Variants in WNT1 observed in about 807,000 individuals in gnomAD.
WNT1 encodes the protein Wnt family member 1.
A neutral mutation model predicts 21.3 loss-of-function variants in WNT1; 10 were observed. The observed-to-expected ratio is 0.47, with a 90% CI of 0.29 to 0.80. WNT1 has a LOEUF of 0.80. Ranked by LOEUF, WNT1 falls within the 30% of genes least tolerant of loss-of-function variation. The pLI is 0.09. For missense variants in WNT1, 476 were observed against 534.1 expected (o/e 0.89, Z 1.07); for synonymous variants, 208 against 236.3 (o/e 0.88, Z 1.10).
Position 48,981,795 on chromosome 12 carries a change from C to T in WNT1, c.*155C>T, listed in dbSNP as rs1941018921. On this transcript the variant is annotated 3_prime_UTR_variant, in exon 4 of 4. Coordinates refer to ENST00000293549, the MANE Select transcript of WNT1 (RefSeq NM_005430.4). This position sits in a 1 kb window ranked among gnomAD's most constrained non-coding sequence, Gnocchi z 7.4. ...TCCCATCTCTCCCACTTCCTCCTAC[C>T]TGGGGACTCCTCAAACCACTTGCCT... is the stretch of plus-strand genomic sequence containing the variant. The T allele has an allele frequency of 9.0e-7, 1 of 1,111,234 alleles. No homozygotes were observed. Among genetic ancestry groups the T allele is most frequent in the African/African-American group, 1.7e-5 (1 of 59,886 alleles). The allele number at this position is 1,111,234 out of a possible 1,614,324, so 68.8% of individuals were successfully genotyped here.
At position 48,979,099 on chromosome 12, in the gene WNT1, A is replaced by G. The variant is rs1276365393; in HGVS notation, c.104+345A>G. Among the ~76,000 whole-genome samples the G allele has an allele frequency of 6.6e-6, 1 of 152,220 alleles. No homozygotes were observed. Among genetic ancestry groups the G allele is most frequent in the Non-Finnish European group, 1.5e-5 (1 of 68,034 alleles). On this transcript the variant is annotated intron_variant, in intron 1 of 3. Transcript: ENST00000293549. The surrounding 1 kb of genome is among the most constrained non-coding windows in gnomAD (Gnocchi z 6.0). The stretch of plus-strand genomic sequence containing the variant: ...TGAAGGGCCAGGAGTTCGCCTAGAA[A>G]GGAGGGGAGAAGAGGGTGGGACTCC...
Position 48,980,826 on chromosome 12 carries a change from C to A in WNT1, c.624+137C>A. The A allele has an allele frequency of 1.4e-6, 2 of 1,394,296 alleles. No individual in the cohort carries two copies. The highest frequency in any genetic ancestry group is 1.9e-6 in the Non-Finnish European group (2 of 1,058,634). 86.4% of individuals were successfully genotyped at this position (1,394,296 alleles called of 1,614,324 possible). On this transcript the variant is annotated intron_variant, in intron 3 of 3. Coordinates refer to ENST00000293549, the MANE Select transcript of WNT1 (RefSeq NM_005430.4). This position sits in a 1 kb window ranked among gnomAD's most constrained non-coding sequence, Gnocchi z 7.0. ...GAGAGCCGGAGGCTTGGAACGAAGA[C>A]GGAGAATAGAGGAGACAGTGGCTGA... is the stretch of plus-strand genomic sequence containing the variant.
chr12:48,979,073 G>A lies in WNT1; in HGVS notation c.104+319G>A, dbSNP rs561214971. Among the ~76,000 whole-genome samples, 24 of 152,396 alleles carry A rather than the reference G, an allele frequency of 1.6e-4. No homozygotes were observed. Among genetic ancestry groups the A allele is most frequent in the African/African-American group, 5.8e-4 (24 of 41,596 alleles). ...ACCACAGGTTTCCCCACCTCGGGAA[G>A]TGAAGGGCCAGGAGTTCGCCTAGAA... On this transcript the variant is annotated intron_variant, in intron 1 of 3. Transcript: ENST00000293549. This position sits in a 1 kb window ranked among gnomAD's most constrained non-coding sequence, Gnocchi z 6.0.
Position 48,981,426 on chromosome 12 carries a change from C to A in WNT1, c.899C>A (p.Thr300Lys), listed in dbSNP as rs531388810. The A allele has an allele frequency of 7.0e-6, 11 of 1,575,178 alleles. No homozygotes were observed. The East Asian group carries it at 2.6e-4, about 37-fold the overall frequency. The change falls in exon 4 of 4, where the codon ACG (threonine) becomes AAG (lysine). Residue 300 changes from threonine (T) to lysine (K), a missense_variant. Physicochemically the swap from Thr to Lys is moderately conservative, Grantham distance 78. Coordinates refer to ENST00000293549, the MANE Select transcript of WNT1 (RefSeq NM_005430.4). This position sits in a 1 kb window ranked among gnomAD's most constrained non-coding sequence, Gnocchi z 7.4. ...TTCGAGAAATCGCCCAACTTCTGCA[C>A]GTACAGCGGACGCCTGGGCACAGCA... is the stretch of plus-strand genomic sequence containing the variant. ...VYFEKSPNFC[T>K]YSGRLGTAGT...
In WNT1 at chr12:48,980,697, T is replaced by A. The variant is rs1204086080; in HGVS notation, c.624+8T>A. On this transcript the variant is annotated splice_region_variant and intron_variant, in intron 3 of 3. Transcript: ENST00000293549. This position sits in a 1 kb window ranked among gnomAD's most constrained non-coding sequence, Gnocchi z 7.0. ...AACGAGGCAGGCCGTACGGTGAGCT[T>A]TGAGAGGCTCCGCACCCTAAGCGGA... 4.6e-6 allele frequency: 7 copies of A among 1,532,952 alleles called. No homozygotes were observed. The highest frequency in any genetic ancestry group is 6.1e-6 in the Non-Finnish European group (7 of 1,141,696). 95.0% of individuals were successfully genotyped at this position (1,532,952 alleles called of 1,614,324 possible). A position where few individuals can be genotyped will look rare whatever the true frequency, so the allele number is the denominator to read the frequency against.
At position 48,980,440 on chromosome 12, in the gene WNT1, G is replaced by T. The variant is rs763233900; in HGVS notation, c.375G>T (p.Ala125=). Residue 125 remains alanine (A), a synonymous_variant, in exon 3 of 4, where the codon GCG becomes GCT. Coordinates refer to ENST00000293549, the MANE Select transcript of WNT1 (RefSeq NM_005430.4). This position sits in a 1 kb window ranked among gnomAD's most constrained non-coding sequence, Gnocchi z 7.0. ...CTCCCACAGGCTGTCGAGAAACGGC[G>T]TTTATCTTCGCTATCACCTCCGCCG... ...KIVNRGCRET[A]FIFAITSAGV... is the part of the protein sequence containing the mutation. The T allele has an allele frequency of 1.2e-6, 2 of 1,614,204 alleles. No individual in the cohort carries two copies. Among genetic ancestry groups the T allele is most frequent in the Admixed American group, 3.3e-5 (2 of 60,030 alleles).
rs754562728 is a variant in WNT1, at chr12:48,980,325, T to G, written c.359-99T>G. ...CGGCCCTGGCTCTCAGGACTCAAAGTGCGGAGTCGGGGGTGGGATTCCGGT... is the reference window on the plus strand; with the variant it reads ...CGGCCCTGGCTCTCAGGACTCAAAGGGCGGAGTCGGGGGTGGGATTCCGGT... On this transcript the variant is annotated intron_variant, in intron 2 of 3. Coordinates refer to ENST00000293549, the MANE Select transcript of WNT1 (RefSeq NM_005430.4). The surrounding 1 kb of genome is among the most constrained non-coding windows in gnomAD (Gnocchi z 7.0). 6.3e-5 allele frequency: 87 copies of G among 1,385,104 alleles called. 2 individuals are homozygous for G. Among genetic ancestry groups the G allele is most frequent in the Non-Finnish European group, 1.0e-5 (10 of 998,202 alleles). The allele number at this position is 1,385,104 out of a possible 1,614,324, so 85.8% of individuals were successfully genotyped here.
rs1428756613 is a variant in WNT1, at chr12:48,981,620, G to A, written c.1093G>A (p.Val365Ile). The A allele has an allele frequency of 2.0e-6, 3 of 1,476,882 alleles. No individual in the cohort carries two copies. The highest frequency in any genetic ancestry group is 3.6e-4 in the Middle Eastern group (2 of 5,536). 91.5% of individuals were successfully genotyped at this position (1,476,882 alleles called of 1,614,324 possible). Residue 365 changes from valine (V) to isoleucine (I), a missense_variant, in exon 4 of 4, where the codon GTA becomes ATA. By Grantham distance (29) the Val-to-Ile change is conservative (BLOSUM62 3). Transcript: ENST00000293549. The surrounding 1 kb of genome is among the most constrained non-coding windows in gnomAD (Gnocchi z 7.4). ...CTGCCGCAACTGCACGCACACGCGC[G>A]TACTGCACGAGTGTCTGTGAGGCGC... ...VSCRNCTHTR[V>I]LHECL
At position 48,980,479 on chromosome 12, in the gene WNT1, G is replaced by A. The variant is rs750867908; in HGVS notation, c.414G>A (p.Ser138=). The stretch of plus-strand genomic sequence containing the variant: ...TCACCTCCGCCGGGGTCACCCATTC[G>A]GTGGCGCGCTCCTGCTCAGAAGGTT... ...FAITSAGVTH[S]VARSCSEGSI... The change falls in exon 3 of 4, where the codon TCG becomes TCA. Residue 138 remains serine, a synonymous_variant. Coordinates refer to ENST00000293549, the MANE Select transcript of WNT1 (RefSeq NM_005430.4). The surrounding 1 kb of genome is among the most constrained non-coding windows in gnomAD (Gnocchi z 7.0). The A allele has an allele frequency of 6.2e-7, 1 of 1,614,214 alleles. No homozygotes were observed. Among genetic ancestry groups the A allele is most frequent in the Non-Finnish European group, 8.5e-7 (1 of 1,180,026 alleles).
chr12:48,978,865 T>C lies in WNT1; in HGVS notation c.104+111T>C. 2 of 740,738 alleles carry C rather than the reference T, an allele frequency of 2.7e-6. No homozygotes were observed. Among genetic ancestry groups the C allele is most frequent in the Non-Finnish European group, 4.3e-6 (2 of 466,822 alleles). The allele number at this position is 740,738 out of a possible 1,614,324, so 45.9% of individuals were successfully genotyped here. On this transcript the variant is annotated intron_variant, in intron 1 of 3. Coordinates refer to ENST00000293549, the MANE Select transcript of WNT1 (RefSeq NM_005430.4). The surrounding 1 kb of genome is among the most constrained non-coding windows in gnomAD (Gnocchi z 7.4). ...GTCTGCCGACAGGCTCCCTCCCCGC[T>C]CTGACTTCCCTCCGCGACACCGAAG...
Position 48,979,712 on chromosome 12 carries a change from G to T in WNT1, c.349G>T (p.Val117Phe). The T allele has an allele frequency of 6.3e-7, 1 of 1,589,502 alleles. No homozygotes were observed. The highest frequency in any genetic ancestry group is 1.1e-5 in the South Asian group (1 of 89,766). The change falls in exon 2 of 4, where the codon GTC (valine) becomes TTC (phenylalanine). Residue 117 changes from valine to phenylalanine, a missense_variant. Val to Phe is a conservative substitution (Grantham distance 50). Coordinates refer to ENST00000293549, the MANE Select transcript of WNT1 (RefSeq NM_005430.4). The surrounding 1 kb of genome is among the most constrained non-coding windows in gnomAD (Gnocchi z 6.0). ...AGGGCCCCACCTCTTCGGCAAGATC[G>T]TCAACCGAGGTGGGTGCCCAGGAAG... ...APGPHLFGKI[V>F]NRGCRETAFI...
chr12:48,981,668 C>A lies in WNT1; in HGVS notation c.*28C>A, dbSNP rs141970485. On this transcript the variant is annotated 3_prime_UTR_variant, in exon 4 of 4. Transcript: ENST00000293549. The surrounding 1 kb of genome is among the most constrained non-coding windows in gnomAD (Gnocchi z 7.4). Reference sequence around the variant, plus strand: ...CGCTGCGCGGACTCGCCCCCAGGAACGCTCTCCTCGAGCCCTCCCCCAAAC... The same window carrying A: ...CGCTGCGCGGACTCGCCCCCAGGAAAGCTCTCCTCGAGCCCTCCCCCAAAC... 244 of 1,425,840 alleles carry A rather than the reference C, an allele frequency of 1.7e-4. 4 individuals carry two copies. In the African/African-American group the frequency reaches 3.0e-3, roughly 17 times the overall value. The allele number at this position is 1,425,840 out of a possible 1,614,324, so 88.3% of individuals were successfully genotyped here.
In WNT1 at chr12:48,978,770, C is replaced by A. The variant is rs755343363; in HGVS notation, c.104+16C>A. 6.4e-7 allele frequency: 1 copy of A among 1,557,676 alleles called. No homozygotes were observed. The highest frequency in any genetic ancestry group is 1.4e-5 in the African/African-American group (1 of 73,510). The stretch of plus-strand genomic sequence containing the variant: ...GCCGATGGTGGTAAGTGAGCTGGTG[C>A]GGGGTCGCCACTTGTCCCGCGGCAC... On this transcript the variant is annotated intron_variant, in intron 1 of 3. Transcript: ENST00000293549. The surrounding 1 kb of genome is among the most constrained non-coding windows in gnomAD (Gnocchi z 7.4).
In WNT1 at chr12:48,979,816, C is replaced by A; in HGVS notation, c.358+95C>A. ...GCGAGTTCAGAGAAGGTGTCCCAGG[C>A]GCCTGGAGGGTCACACAATCAACCT... On this transcript the variant is annotated intron_variant, in intron 2 of 3. Transcript: ENST00000293549. This position sits in a 1 kb window ranked among gnomAD's most constrained non-coding sequence, Gnocchi z 6.0. 7.0e-7 allele frequency: 1 copy of A among 1,434,940 alleles called. No individual in the cohort carries two copies. Among genetic ancestry groups the A allele is most frequent in the Non-Finnish European group, 9.1e-7 (1 of 1,094,952 alleles). 88.9% of individuals were successfully genotyped at this position (1,434,940 alleles called of 1,614,324 possible). A position where few individuals can be genotyped will look rare whatever the true frequency, so the allele number is the denominator to read the frequency against.
At position 48,979,537 on chromosome 12, in the gene WNT1, G is replaced by T. The variant is rs769504937; in HGVS notation, c.174G>T (p.Glu58Asp). 6.2e-7 allele frequency: 1 copy of T among 1,614,026 alleles called. No individual in the cohort carries two copies. The highest frequency in any genetic ancestry group is 2.2e-5 in the East Asian group (1 of 44,890). The change falls in exon 2 of 4, where the codon GAG (glutamate) becomes GAT (aspartate). Residue 58 changes from glutamate (E) to aspartate (D), a missense_variant. By Grantham distance (45) the Glu-to-Asp change is conservative (BLOSUM62 2). Coordinates refer to ENST00000293549, the MANE Select transcript of WNT1 (RefSeq NM_005430.4). The surrounding 1 kb of genome is among the most constrained non-coding windows in gnomAD (Gnocchi z 6.0). ...CCAAGAGTCTGCAACTGGTACTCGAGCCCAGTCTGCAGCTGTTGAGCCGCA... is the reference window on the plus strand; with the variant it reads ...CCAAGAGTCTGCAACTGGTACTCGATCCCAGTCTGCAGCTGTTGAGCCGCA... ...TDSKSLQLVL[E>D]PSLQLLSRKQ...
rs2083068780 is a variant in WNT1, at chr12:48,980,134, G to A, written c.359-290G>A. On this transcript the variant is annotated intron_variant, in intron 2 of 3. Coordinates refer to ENST00000293549, the MANE Select transcript of WNT1 (RefSeq NM_005430.4). This position sits in a 1 kb window ranked among gnomAD's most constrained non-coding sequence, Gnocchi z 7.0. ...AGTCTTGGGGATGTATGGTTCTTCC[G>A]CTCCCCTCTCTTCGGTTTGTCTCTC... 6.6e-6 allele frequency among the ~76,000 whole-genome samples: 1 copy of A among 152,188 alleles called. No homozygotes were observed. The highest frequency in any genetic ancestry group is 2.4e-5 in the African/African-American group (1 of 41,438).
rs1940994873 is a variant in WNT1 at position 48,980,452 on chromosome 12, T to C, written c.387T>C (p.Ala129=). 1 of 1,614,190 alleles carries C rather than the reference T, an allele frequency of 6.2e-7. No individual in the cohort carries two copies. Among genetic ancestry groups the C allele is most frequent in the Non-Finnish European group, 8.5e-7 (1 of 1,180,026 alleles). ...RGCRETAFIF[A]ITSAGVTHSV... ...GTCGAGAAACGGCGTTTATCTTCGC[T>C]ATCACCTCCGCCGGGGTCACCCATT... Residue 129 remains alanine, a synonymous_variant, in exon 3 of 4, where the codon GCT becomes GCC. Coordinates refer to ENST00000293549, the MANE Select transcript of WNT1 (RefSeq NM_005430.4). This position sits in a 1 kb window ranked among gnomAD's most constrained non-coding sequence, Gnocchi z 7.0.
Position 48,979,634 on chromosome 12 carries a change from C to T in WNT1, c.271C>T (p.Arg91Cys). The change falls in exon 2 of 4, where the codon CGC becomes TGC. Residue 91 changes from arginine (R) to cysteine (C), a missense_variant. Arg to Cys is a radical substitution (Grantham distance 180, BLOSUM62 -3). Transcript: ENST00000293549. The surrounding 1 kb of genome is among the most constrained non-coding windows in gnomAD (Gnocchi z 6.0). The part of the protein sequence containing the change: ...SVSGGLQSAV[R>C]ECKWQFRNRR... ...GAGTGGGGGGCTGCAGAGTGCCGTG[C>T]GCGAGTGCAAGTGGCAGTTCCGGAA... is the stretch of plus-strand genomic sequence containing the variant. 1.9e-6 allele frequency: 3 copies of T among 1,613,838 alleles called. No homozygotes were observed. The highest frequency in any genetic ancestry group is 1.7e-6 in the Non-Finnish European group (2 of 1,179,904).
Position 48,979,702 on chromosome 12 carries a change from C to T in WNT1, c.339C>T (p.Phe113=), listed in dbSNP as rs17123475. Residue 113 remains phenylalanine, a synonymous_variant, in exon 2 of 4, where the codon TTC becomes TTT. Transcript: ENST00000293549. This position sits in a 1 kb window ranked among gnomAD's most constrained non-coding sequence, Gnocchi z 6.0. The part of the protein sequence containing the change: ...NCPTAPGPHL[F]GKIVNRGCRE... ...CCACTGCTCCAGGGCCCCACCTCTT[C>T]GGCAAGATCGTCAACCGAGGTGGGT... 47 of 1,593,308 alleles carry T rather than the reference C, an allele frequency of 2.9e-5. No individual in the cohort carries two copies. Among genetic ancestry groups the T allele is most frequent in the Non-Finnish European group, 3.6e-5 (42 of 1,165,176 alleles).
Sources: gnomAD v4.1 joint callset for allele counts (sites outside exome capture counted in the v4.1 genomes callset) on GRCh38, gnomAD v4.1.1 for gene constraint, Gnocchi (gnomAD v3.1) non-coding constraint, MANE v1.5 for transcripts, NCBI Gene and HGNC (gene_info 2026-07-23, HGNC 2026-07-21) for gene names.